SENP5: variants seen among roughly 807,000 people sequenced by gnomAD.
The protein encoded by SENP5 is sentrin-specific protease 5.
SENP5 carries 21 observed loss-of-function variants against 74.2 expected under a neutral mutation model. That is an observed-to-expected ratio of 0.28 (90% CI 0.20 to 0.41). The LOEUF (loss-of-function observed/expected upper bound fraction) is 0.41. SENP5 is among the 10% of genes least tolerant of loss of function. SENP5 has a pLI of 1.00. For synonymous variants in SENP5, 311 were observed against 312.7 expected (o/e 0.99, Z 0.06); for missense variants, 717 against 889.1 (o/e 0.81, Z 2.46).
At chr3:196,928,031 AC>A (rs1196314451) in intron 8 of SENP5, 152 bp downstream of exon 8, 2 of 551,590 alleles carry the variant, frequency 3.6e-6, no homozygotes, top group Admixed American at 3.3e-5. Flanking sequence ...ACTTCAGTTG[AC>A]TATTCATCAT....
intron 6 of SENP5, among the ~76,000 whole-genome samples, chr3:196,910,874 CAT>C (rs1312092364): frequency 6.6e-6 from 1 of 152,078 alleles, no homozygotes; most frequent in African/African-American, 2.4e-5. Flanking sequence ...CCAAAACAGG[CAT>C]ATAGACCAAT....
At chr3:196,902,385 C>A (rs1371232597) in intron 5 of SENP5, among the ~76,000 whole-genome samples, 1 of 152,212 alleles carries the variant, frequency 6.6e-6, no homozygotes, top group Admixed American at 6.6e-5. Flanking sequence ...CTCACCTCTG[C>A]CTCTCAAAAT....
intron 2 of SENP5, among the ~76,000 whole-genome samples, chr3:196,888,158 A>C (rs978958182): frequency 6.6e-6 from 1 of 152,260 alleles, no homozygotes; most frequent in Non-Finnish European, 1.5e-5. Context: ...TCTATCCCAT[A>C]AGGTAAACTG....
intron 6 of SENP5, among the ~76,000 whole-genome samples, chr3:196,918,185 T>C (rs778503771): frequency 9.9e-5 from 15 of 151,618 alleles, no homozygotes; most frequent in Non-Finnish European, 1.5e-4. Flanking sequence ...CGGGCGCCTG[T>C]AGTCCCAGCT....
intron 6 of SENP5, among the ~76,000 whole-genome samples, chr3:196,920,330 A>T (rs1323252719): frequency 6.6e-6 from 1 of 152,226 alleles, no homozygotes. Context: ...ACAGAATTTT[A>T]AAAAATATTA....
intron 1 of SENP5, among the ~76,000 whole-genome samples, chr3:196,883,032 A>G (rs1016657066): frequency 3.2e-4 from 49 of 152,036 alleles, no homozygotes; most frequent in African/African-American, 1.2e-3. Context: ...GATGAGTGGC[A>G]AAGTGTGTTC....
Position 196,885,184 on chromosome 3 carries a change from GA to G in SENP5, c.9del (p.Lys3AsnfsTer13). 6.2e-7 allele frequency: 1 copy of G among 1,608,074 alleles called. No homozygotes were observed. The highest frequency in any genetic ancestry group is 8.5e-7 in the Non-Finnish European group (1 of 1,177,766). ...AGATCTCATTATGCATCAGAAAAAT[GA>G]AAAAACAGAGGAAAATTCTATGGAG... M[K>X]KQRKILWRKG... On this transcript the variant is annotated frameshift_variant, in exon 2 of 10. Coordinates refer to ENST00000323460, the MANE Select transcript of SENP5 (RefSeq NM_152699.5). LOFTEE classifies it high-confidence loss of function.
At chr3:196,919,112 G>A (rs1715510097) in intron 6 of SENP5, among the ~76,000 whole-genome samples, 1 of 152,090 alleles carries the variant, frequency 6.6e-6, no homozygotes, top group South Asian at 2.1e-4. Context: ...ACGGAAAAGA[G>A]CCAGAGAGAG....
intron 6 of SENP5, among the ~76,000 whole-genome samples, chr3:196,918,294 G>A (rs1438955961): frequency 1.4e-4 from 19 of 137,046 alleles, no homozygotes; most frequent in Non-Finnish European, 2.5e-4. Flanking sequence ...GCGACAGAAC[G>A]AGACTCTGTC....
At chr3:196,914,189 T>C (rs1453152105) in intron 6 of SENP5, 1 of 152,186 alleles carries the variant, frequency 6.6e-6, no homozygotes. Flanking sequence ...GCAGACCTTA[T>C]GGTCTTTGAT....
intron 1 of SENP5, among the ~76,000 whole-genome samples, chr3:196,869,240 A>C (rs1035499542): frequency 1.3e-5 from 2 of 151,676 alleles, no homozygotes; most frequent in East Asian, 2.0e-4. Flanking sequence ...TCACTCTGAC[A>C]CCCAGCCTGG....
At chr3:196,929,884 A>G (rs1436426889) in intron 9 of SENP5, among the ~76,000 whole-genome samples, 1 of 152,120 alleles carries the variant, frequency 6.6e-6, no homozygotes, top group South Asian at 2.1e-4. Flanking sequence ...TCCAGGGATC[A>G]AGAGTGAAGT....
rs1310396170 is a variant in SENP5 at position 196,932,235 on chromosome 3, T to C, written c.*1312T>C. The stretch of plus-strand genomic sequence containing the variant: ...AACCTACCCAGTTACCCTTTCTGAA[T>C]TGGGAGGAAAACCAACCAATGTATG... On this transcript the variant is annotated 3_prime_UTR_variant, in exon 10 of 10. Coordinates refer to ENST00000323460, the MANE Select transcript of SENP5 (RefSeq NM_152699.5). 1 of 159,478 alleles carries C rather than the reference T, an allele frequency of 6.3e-6. No individual in the cohort carries two copies. Among genetic ancestry groups the C allele is most frequent in the Non-Finnish European group, 1.4e-5 (1 of 72,900 alleles). 9.9% of individuals were successfully genotyped at this position (159,478 alleles called of 1,614,324 possible).
At chr3:196,904,912 A>G (rs1436947165) in intron 6 of SENP5, 2 of 152,144 alleles carry the variant, frequency 1.3e-5, no homozygotes, top group Admixed American at 1.3e-4. Flanking sequence ...TGATTCATTC[A>G]TTCATCATTT....
At chr3:196,882,154 C>T (rs1446066506) in intron 1 of SENP5, among the ~76,000 whole-genome samples, 1 of 151,994 alleles carries the variant, frequency 6.6e-6, no homozygotes, top group Non-Finnish European at 1.5e-5. Context: ...CTGTCTTGGC[C>T]TCCCAAAGTG....
intron 2 of SENP5, among the ~76,000 whole-genome samples, chr3:196,898,943 G>C (rs919165145): frequency 1.3e-5 from 2 of 152,010 alleles, no homozygotes; most frequent in Non-Finnish European, 2.9e-5. Context: ...GCCGGGCGTG[G>C]TGGCAGGCGC....
At chr3:196,914,961 T>C (rs1715312635) in intron 6 of SENP5, among the ~76,000 whole-genome samples, 1 of 152,110 alleles carries the variant, frequency 6.6e-6, no homozygotes, top group South Asian at 2.1e-4. Flanking sequence ...GGACTTTGCA[T>C]TGAAACTCCA....
intron 7 of SENP5, among the ~76,000 whole-genome samples, chr3:196,925,844 A>G (rs964541653): frequency 3.3e-5 from 5 of 152,182 alleles, no homozygotes; most frequent in African/African-American, 1.2e-4. Flanking sequence ...GCACATTTGC[A>G]AAAAGACCCT....
At chr3:196,915,836 T>A (rs1385189234) in intron 6 of SENP5, among the ~76,000 whole-genome samples, 5 of 152,204 alleles carry the variant, frequency 3.3e-5, no homozygotes, top group Non-Finnish European at 7.3e-5. Flanking sequence ...GTCACAGTCT[T>A]ACTGGGCTTG....
Sources: gnomAD v4.1 joint callset for allele counts (sites outside exome capture counted in the v4.1 genomes callset) on GRCh38, gnomAD v4.1.1 for gene constraint, MANE v1.5 for transcripts, NCBI Gene and HGNC (gene_info 2026-07-23, HGNC 2026-07-21) for gene names.